The following RGS21 variants were observed in gnomAD, a reference collection of about 807,000 sequenced individuals.
RGS21 encodes the protein regulator of G-protein signalling 21.
In RGS21, 19 loss-of-function variants were observed where a neutral mutation model predicts 18.7. The ratio of observed to expected loss-of-function variants is 1.01; its 90% CI spans 0.71 to 1.49. The LOEUF is 1.49. RGS21 is among the 40% of genes most tolerant of loss of function. RGS21 has a pLI of 0.00. For missense variants in RGS21, 194 were observed against 176.8 expected (o/e 1.10, Z -0.55); for synonymous variants, 56 against 57.8 (o/e 0.97, Z 0.14).
At chr1:192,341,471 G>A (rs77657436) in intron 1 of RGS21, among the ~76,000 whole-genome samples, 28,125 of 152,022 alleles carry the variant, frequency 0.19, 2,829 homozygotes, top group South Asian at 0.29. Flanking sequence ...TACATTGAAT[G>A]CTATAAAGCA....
intron 4 of RGS21, among the ~76,000 whole-genome samples, chr1:192,353,551 T>A (rs1440497070): frequency 6.6e-6 from 1 of 151,882 alleles, no homozygotes; most frequent in Non-Finnish European, 1.5e-5. Flanking sequence ...TCCTCCTTTA[T>A]GAATTCATCT....
At chr1:192,365,050 C>T (rs767311375) in intron 4 of RGS21, among the ~76,000 whole-genome samples, 2 of 151,346 alleles carry the variant, frequency 1.3e-5, no homozygotes, top group Admixed American at 6.6e-5. Flanking sequence ...GCAGGAGAAT[C>T]GCTTGAATTT....
chr1:192,342,550 C>G (rs1022222603), intron 1 of RGS21, among the ~76,000 whole-genome samples: 1 of 151,748 alleles, frequency 6.6e-6, no homozygotes, highest in Non-Finnish European at 1.5e-5. Context: ...GATAAGTATA[C>G]TAAAGGTAGA....
intron 4 of RGS21, among the ~76,000 whole-genome samples, chr1:192,362,518 C>T (rs1215424865): frequency 6.6e-6 from 1 of 152,180 alleles, no homozygotes; most frequent in Admixed American, 6.6e-5. Context: ...ATGTTTCTAG[C>T]TTGAACAACT....
intron 4 of RGS21, among the ~76,000 whole-genome samples, chr1:192,356,150 C>T (rs1043995317): frequency 8.6e-5 from 13 of 151,748 alleles, no homozygotes; most frequent in African/African-American, 1.4e-4. Flanking sequence ...TTCACGGGTC[C>T]GTGCAGGACA....
chr1:192,361,840 C>A (rs531161551), intron 4 of RGS21, among the ~76,000 whole-genome samples: 93 of 152,234 alleles, frequency 6.1e-4, no homozygotes, highest in African/African-American at 1.7e-3. Context: ...AGCCACCATG[C>A]CCGGCCAATT....
chr1:192,334,223 G>C (rs982792526), intron 1 of RGS21, among the ~76,000 whole-genome samples: 3 of 152,052 alleles, frequency 2.0e-5, no homozygotes, highest in Admixed American at 6.6e-5. Flanking sequence ...TCCCCATCCA[G>C]CAGTTATTAA....
At chr1:192,356,866 A>G (rs1370707032) in intron 4 of RGS21, among the ~76,000 whole-genome samples, 1 of 151,744 alleles carries the variant, frequency 6.6e-6, no homozygotes, top group East Asian at 1.9e-4. Context: ...CTACAGAATC[A>G]TCTCTGGATA....
In RGS21 at chr1:192,366,049, G is replaced by C. The variant is rs752547614; in HGVS notation, c.384G>C (p.Leu128=). ...LMAKDSFPRF[L]KSEIYKKLVN... is the part of the protein sequence containing the mutation. ...CCAAGGATTCTTTCCCTCGATTTCTGAAGTCAGAGATTTATAAAAAACTGG... is the reference window on the plus strand; with the variant it reads ...CCAAGGATTCTTTCCCTCGATTTCTCAAGTCAGAGATTTATAAAAAACTGG... The change falls in exon 5 of 5, where the codon CTG becomes CTC. Residue 128 remains leucine (L), a synonymous_variant. Coordinates refer to ENST00000417209, the MANE Select transcript of RGS21 (RefSeq NM_001039152.3). 6.2e-7 allele frequency: 1 copy of C among 1,611,736 alleles called. No homozygotes were observed. Among genetic ancestry groups the C allele is most frequent in the South Asian group, 1.1e-5 (1 of 90,914 alleles).
At chr1:192,363,833 T>C (rs1400096210) in intron 4 of RGS21, among the ~76,000 whole-genome samples, 1 of 152,124 alleles carries the variant, frequency 6.6e-6, no homozygotes, top group African/African-American at 2.4e-5. Context: ...CTGTGTTTAT[T>C]TGCTTATTTT....
At chr1:192,324,613 GCACA>G (rs3077773) in intron 1 of RGS21, among the ~76,000 whole-genome samples, 2 of 150,914 alleles carry the variant, frequency 1.3e-5, no homozygotes, top group Admixed American at 6.6e-5. Context: ...GTGTGTGCGT[GCACA>G]CACACACACA....
At chr1:192,343,097 A>T in intron 2 of RGS21, 50 bp downstream of exon 2, 1 of 1,543,196 alleles carries the variant, frequency 6.5e-7, no homozygotes, top group Non-Finnish European at 9.0e-7. Flanking sequence ...TACAAATGAA[A>T]CACTTGAGTC....
chr1:192,358,183 T>C (rs546035591), intron 4 of RGS21, among the ~76,000 whole-genome samples: 21 of 152,174 alleles, frequency 1.4e-4, no homozygotes, highest in African/African-American at 4.6e-4. Context: ...TATTCAGTTC[T>C]ATCTTTGCTT....
At chr1:192,339,015 C>T (rs1658812398) in intron 1 of RGS21, among the ~76,000 whole-genome samples, 1 of 152,034 alleles carries the variant, frequency 6.6e-6, no homozygotes, top group Admixed American at 6.6e-5. Flanking sequence ...TTAGTTTCCT[C>T]ATATTTAAAA....
intron 4 of RGS21, among the ~76,000 whole-genome samples, chr1:192,360,820 T>C (rs1477459844): frequency 2.0e-5 from 3 of 152,170 alleles, no homozygotes; most frequent in Non-Finnish European, 4.4e-5. Flanking sequence ...GTCATAATAC[T>C]ACTTGAAAAA....
intron 4 of RGS21, among the ~76,000 whole-genome samples, chr1:192,352,847 G>T (rs556215269): frequency 6.6e-5 from 10 of 152,022 alleles, no homozygotes; most frequent in Admixed American, 2.0e-4. Flanking sequence ...TATCTCATTT[G>T]TAGTTGATTT....
At chr1:192,351,680 T>C (rs1659042115) in intron 3 of RGS21, among the ~76,000 whole-genome samples, 2 of 147,962 alleles carry the variant, frequency 1.4e-5, no homozygotes, top group Admixed American at 1.4e-4. Context: ...ATAACACATA[T>C]AATATATATG....
At chr1:192,356,511 C>A (rs925494349) in intron 4 of RGS21, among the ~76,000 whole-genome samples, 2 of 151,542 alleles carry the variant, frequency 1.3e-5, no homozygotes, top group African/African-American at 4.8e-5. Context: ...TGATTAAGTG[C>A]AAAACAAAGA....
intron 2 of RGS21, among the ~76,000 whole-genome samples, chr1:192,346,065 T>C (rs1658940599): frequency 6.6e-6 from 1 of 151,904 alleles, no homozygotes; most frequent in African/African-American, 2.4e-5. Context: ...ATTTAGTAAG[T>C]CAAGGAAGAA....
Sources: allele counts gnomAD v4.1 joint callset (sites outside exome capture counted in the v4.1 genomes callset), GRCh38; gene constraint gnomAD v4.1.1; transcripts MANE v1.5; gene names NCBI Gene and HGNC (gene_info 2026-07-23, HGNC 2026-07-21).